The following CRHR2 variants were observed in gnomAD, a reference collection of about 807,000 sequenced individuals.
CRHR2 encodes corticotropin releasing hormone receptor 2, also known as corticotropin-releasing hormone receptor 2.
CRHR2 carries 53 observed loss-of-function variants against 57.9 expected under a neutral mutation model. That is an observed-to-expected ratio of 0.92 (90% CI 0.73 to 1.15). CRHR2 has a LOEUF of 1.15. CRHR2 is among the 50% of genes most tolerant of loss of function. The pLI is 0.00. For synonymous variants in CRHR2, 213 were observed against 220.9 expected, an observed-to-expected ratio of 0.96 and a Z score of 0.32; for missense variants, 532 against 542.6, an observed-to-expected ratio of 0.98 and a Z score of 0.19.
At chr7:30,669,806 C>T (rs1431943133) in intron 2 of CRHR2, among the ~76,000 whole-genome samples, 4 of 152,220 alleles carry the variant, frequency 2.6e-5, no homozygotes, top group African/African-American at 9.6e-5. Flanking sequence ...AGGTCCCAGC[C>T]TAACTGTCCT....
intron 3 of CRHR2, among the ~76,000 whole-genome samples, chr7:30,666,717 G>C (rs928205310): frequency 3.3e-5 from 5 of 152,254 alleles, no homozygotes; most frequent in African/African-American, 9.6e-5. Flanking sequence ...ATGAGGCGTA[G>C]CCTCAAGGAG....
At chr7:30,699,793 C>T (rs255117) in intron 1 of CRHR2, 30,893 of 169,088 alleles carry the variant, frequency 0.18, 117 homozygotes, top group Non-Finnish European at 0.25. Context: ...ACCCCCTCAC[C>T]CAGGCACGGG....
exon 2 of CRHR2, chr7:30,689,244 C>T: frequency 6.4e-7 from 1 of 1,550,448 alleles, no homozygotes; most frequent in Non-Finnish European, 8.7e-7. Context: ...CAGAAGTGCC[C>T]ACAGGGGCTG....
intron 1 of CRHR2, chr7:30,689,356 T>A: frequency 2.4e-6 from 3 of 1,229,562 alleles, no homozygotes; most frequent in Non-Finnish European, 3.5e-6. Flanking sequence ...TCTGCCCCCA[T>A]CCTATCCTAT....
chr7:30,679,842 T>C (rs1003876310), intron 2 of CRHR2, among the ~76,000 whole-genome samples: 1 of 152,120 alleles, frequency 6.6e-6, no homozygotes, highest in African/African-American at 2.4e-5. Context: ...CAATCATGCA[T>C]TTCCACAGCC....
At position 30,660,392 on chromosome 7, in the gene CRHR2, T is replaced by C. The variant is rs376134779; in HGVS notation, c.831+181A>G. Among the ~76,000 whole-genome samples the C allele has an allele frequency of 5.9e-5, 9 of 152,256 alleles. No homozygotes were observed. The South Asian group carries it at 8.3e-4, about 14-fold the overall frequency. On this transcript the variant is annotated intron_variant, in intron 8 of 11. Transcript: ENST00000471646. ...CAGGGCTGCGCCAGGGCATCGAGCA[T>C]GAGGAAGGGAAGGCCGGGTGGTGCT...
At chr7:30,655,436 T>A (rs1486041245) in intron 10 of CRHR2, 144 bp downstream of exon 10, 2 of 1,061,206 alleles carry the variant, frequency 1.9e-6, no homozygotes, top group Non-Finnish European at 2.7e-6. Flanking sequence ...AGGCTCAGGC[T>A]GAGCATGTAC....
rs1006068770 is a variant in CRHR2, at chr7:30,660,516, G to A, written c.831+57C>T. Reference sequence around the variant, plus strand: ...CTTTCCCAGCGTCTCTGCCTGGGTGGGCCCTCTTCTGTCCTCTTGGCACCC... The same window carrying A: ...CTTTCCCAGCGTCTCTGCCTGGGTGAGCCCTCTTCTGTCCTCTTGGCACCC... On this transcript the variant is annotated intron_variant, in intron 8 of 11. Transcript: ENST00000471646. 14 of 1,514,260 alleles carry A rather than the reference G, an allele frequency of 9.2e-6. No homozygotes were observed. In the African/African-American group the frequency reaches 1.8e-4, roughly 19 times the overall value. 93.8% of individuals were successfully genotyped at this position (1,514,260 alleles called of 1,614,324 possible). A position where few individuals can be genotyped will look rare whatever the true frequency, so the allele number is the denominator to read the frequency against.
At chr7:30,698,614 G>T (rs996498309) in intron 1 of CRHR2, among the ~76,000 whole-genome samples, 3 of 152,120 alleles carry the variant, frequency 2.0e-5, no homozygotes, top group African/African-American at 7.2e-5. Context: ...GCAGGTCTGG[G>T]GGCCATCTGC....
intron 1 of CRHR2, among the ~76,000 whole-genome samples, chr7:30,690,892 T>TTG (rs1302865135): frequency 1.3e-5 from 2 of 152,248 alleles, no homozygotes; most frequent in East Asian, 1.9e-4. Context: ...GGTGTGTGTG[T>TTG]TGTGTGTGTG....
At chr7:30,674,372 G>C (rs956679556) in intron 2 of CRHR2, among the ~76,000 whole-genome samples, 2 of 152,202 alleles carry the variant, frequency 1.3e-5, no homozygotes, top group East Asian at 3.9e-4. Flanking sequence ...TCGTCGCCAT[G>C]ACGCCAGCCT....
chr7:30,665,475 G>C lies in CRHR2; in HGVS notation c.425+55C>G. 2.9e-6 allele frequency: 4 copies of C among 1,388,236 alleles called. No individual in the cohort carries two copies. Among genetic ancestry groups the C allele is most frequent in the Non-Finnish European group, 4.0e-6 (4 of 1,000,072 alleles). 86.0% of individuals were successfully genotyped at this position (1,388,236 alleles called of 1,614,324 possible). On this transcript the variant is annotated intron_variant, in intron 4 of 11. Coordinates refer to ENST00000471646, the MANE Select transcript of CRHR2 (RefSeq NM_001883.5). This position sits in a 1 kb window ranked among gnomAD's most constrained non-coding sequence, Gnocchi z 4.5. The stretch of plus-strand genomic sequence containing the variant: ...GGTGAGAATGTCTGGGAGAGGTGAA[G>C]GGGGTGCTGTAGGGGGAGGGATGAG...
intron 2 of CRHR2, among the ~76,000 whole-genome samples, chr7:30,672,979 A>G (rs1076291): frequency 0.5 from 75,950 of 151,892 alleles, 21,960 homozygotes; most frequent in Non-Finnish European, 0.65. Flanking sequence ...GGAGAGACAG[A>G]CTCTCCCTGT....
Position 30,682,354 on chromosome 7 carries a change from A to T in CRHR2, c.-74T>A. The T allele has an allele frequency of 1.4e-6, 2 of 1,436,502 alleles. No homozygotes were observed. The highest frequency in any genetic ancestry group is 1.8e-6 in the Non-Finnish European group (2 of 1,096,300). The allele number at this position is 1,436,502 out of a possible 1,614,324, so 89.0% of individuals were successfully genotyped here. A position where few individuals can be genotyped will look rare whatever the true frequency, so the allele number is the denominator to read the frequency against. On this transcript the variant is annotated 5_prime_UTR_variant, in exon 1 of 12. Coordinates refer to ENST00000471646, the MANE Select transcript of CRHR2 (RefSeq NM_001883.5). ...GTGACTGCGAGGGAGTGGACGCGAG[A>T]GTGAGCGGCCGAGAGGGCGCGGGGT...
intron 2 of CRHR2, among the ~76,000 whole-genome samples, chr7:30,681,634 C>T (rs777712012): frequency 6.6e-6 from 1 of 152,232 alleles, no homozygotes; most frequent in Non-Finnish European, 1.5e-5. Context: ...GAGGTTTACA[C>T]TCCAAGAGGA....
chr7:30,694,719 C>G (rs1278957976), intron 1 of CRHR2, among the ~76,000 whole-genome samples: 1 of 151,852 alleles, frequency 6.6e-6, no homozygotes, highest in Non-Finnish European at 1.5e-5. Flanking sequence ...TTTCATTGAG[C>G]CTGAGCTCAG....
intron 8 of CRHR2, 128 bp downstream of exon 8, chr7:30,660,445 C>G (rs371074333): frequency 6.6e-6 from 6 of 914,630 alleles, no homozygotes; most frequent in African/African-American, 3.3e-5. Context: ...GGACAGGGTA[C>G]GGGGGTGGCA....
chr7:30,686,481 C>A, upstream of CRHR2: 1 of 1,518,300 alleles, frequency 6.6e-7, no homozygotes, highest in South Asian at 1.2e-5. Flanking sequence ...GTGTGTGTTG[C>A]ATTGAGGAAT....
At chr7:30,667,415 T>G in intron 2 of CRHR2, 102 bp from the exon 3 acceptor site, 1 of 853,392 alleles carries the variant, frequency 1.2e-6, no homozygotes, top group Non-Finnish European at 1.9e-6. Flanking sequence ...ACCTCAGCTC[T>G]CCTAGGGCAG....
Sources: gnomAD v4.1 joint callset for allele counts (sites outside exome capture counted in the v4.1 genomes callset) on GRCh38, gnomAD v4.1.1 for gene constraint, Gnocchi (gnomAD v3.1) non-coding constraint, MANE v1.5 for transcripts, NCBI Gene and HGNC (gene_info 2026-07-23, HGNC 2026-07-21) for gene names.